Variants in MOV10 observed in about 807,000 individuals in gnomAD.
The protein encoded by MOV10 is RNA helicase MOV-10.
In MOV10, 39 loss-of-function variants were observed where a neutral mutation model predicts 108.4. That is an observed-to-expected ratio of 0.36 (90% CI 0.28 to 0.47). The LOEUF (loss-of-function observed/expected upper bound fraction) is 0.47. Among genes scored for constraint, MOV10 ranks in the 20% least tolerant of loss-of-function variants. The pLI is 1.00. For synonymous variants in MOV10, 490 were observed against 523.1 expected, an observed-to-expected ratio of 0.94 and a Z score of 0.86; for missense variants, 952 against 1,297.6, an observed-to-expected ratio of 0.73 and a Z score of 4.09.
chr1:112,674,781 G>T, intron 1 of MOV10, 52 bp downstream of exon 1: 1 of 859,210 alleles, frequency 1.2e-6, no homozygotes, highest in South Asian at 1.9e-5. Flanking sequence ...GAGCCCGCAG[G>T]ATCAGGGGTC....
At chr1:112,680,703 A>T (rs997739853) in intron 2 of MOV10, among the ~76,000 whole-genome samples, 26 of 118,598 alleles carry the variant, frequency 2.2e-4, no homozygotes, top group South Asian at 8.3e-4. Context: ...CTTTTCATTT[A>T]TCTCTTTTTT....
chr1:112,677,459 G>A (rs1316141951), intron 2 of MOV10, among the ~76,000 whole-genome samples: 1 of 151,544 alleles, frequency 6.6e-6, no homozygotes, highest in African/African-American at 2.4e-5. Context: ...TTTCCCAGTA[G>A]GAATTACTTG....
In MOV10 at chr1:112,681,366, C is replaced by T. The variant is rs528360567; in HGVS notation, c.137+6317C>T. Among the ~76,000 whole-genome samples, 148 of 152,024 alleles carry T rather than the reference C, an allele frequency of 9.7e-4. 2 individuals are homozygous for T. Among genetic ancestry groups the T allele is most frequent in the Non-Finnish European group, 1.3e-3 (90 of 68,002 alleles). On this transcript the variant is annotated intron_variant, in intron 2 of 20. Transcript: ENST00000369645. ...AAAATTAGCTGGGCGTGGTGGCGGGCGCCTGTAATCCCAGCTACTCGGGAG... is the reference window on the plus strand; with the variant it reads ...AAAATTAGCTGGGCGTGGTGGCGGGTGCCTGTAATCCCAGCTACTCGGGAG...
intron 2 of MOV10, among the ~76,000 whole-genome samples, chr1:112,683,109 G>A (rs1402451668): frequency 1.3e-5 from 2 of 151,082 alleles, no homozygotes; most frequent in African/African-American, 2.4e-5. Context: ...TTGTAGAGAC[G>A]GGGTTTCACT....
intron 2 of MOV10, among the ~76,000 whole-genome samples, chr1:112,684,772 A>G (rs1322713918): frequency 6.6e-6 from 1 of 152,094 alleles, no homozygotes; most frequent in Non-Finnish European, 1.5e-5. Flanking sequence ...TTATACTTTA[A>G]TTTGCATTTC....
rs1672093476 is a variant in MOV10 at position 112,675,243 on chromosome 1, C to T, written c.137+194C>T. ...CCCACCAGCGCCGCCCGGAGCCCGCCAGTTCTGCCCGAGCTGGGCCCCTGC... is the reference window on the plus strand; with the variant it reads ...CCCACCAGCGCCGCCCGGAGCCCGCTAGTTCTGCCCGAGCTGGGCCCCTGC... On this transcript the variant is annotated intron_variant, in intron 2 of 20. Transcript: ENST00000369645. The surrounding 1 kb of genome is among the most constrained non-coding windows in gnomAD (Gnocchi z 4.7). Among the ~76,000 whole-genome samples the T allele has an allele frequency of 1.3e-5, 2 of 151,970 alleles. No individual in the cohort carries two copies. The highest frequency in any genetic ancestry group is 2.9e-5 in the Non-Finnish European group (2 of 67,966).
intron 2 of MOV10, chr1:112,687,190 AT>A: frequency 2.9e-6 from 1 of 339,158 alleles, no homozygotes; most frequent in South Asian, 2.2e-5. Context: ...AGTAGCTAAC[AT>A]TTACTGAGCA....
chr1:112,682,921 CTT>C (rs36031191), intron 2 of MOV10, among the ~76,000 whole-genome samples: 5 of 137,292 alleles, frequency 3.6e-5, no homozygotes, highest in Non-Finnish European at 3.1e-5. Flanking sequence ...CTAGGAACAT[CTT>C]TTTTTTTTTT....
chr1:112,689,287 G>A (rs906161132), intron 3 of MOV10, 128 bp from the exon 4 acceptor site: 25 of 1,208,990 alleles, frequency 2.1e-5, no homozygotes, highest in African/African-American at 7.5e-5. Context: ...CTGGTCTGCT[G>A]GGAGGGGGTG....
In MOV10 at chr1:112,700,498, T is replaced by A; in HGVS notation, c.3003T>A (p.Asn1001Lys). Residue 1001 changes from asparagine to lysine, a missense_variant, in exon 21 of 21, where the codon AAT becomes AAA. Physicochemically the swap from Asn to Lys is moderately conservative, Grantham distance 94 (BLOSUM62 0). Transcript: ENST00000369645. The part of the protein sequence containing the change: ...LSLQVEPEWR[N>K]EL ...TGCAAGTGGAGCCAGAGTGGAGGAATGAGCTCTGAAGACACAGCACCCAGC... is the reference window on the plus strand; with the variant it reads ...TGCAAGTGGAGCCAGAGTGGAGGAAAGAGCTCTGAAGACACAGCACCCAGC... The A allele has an allele frequency of 6.2e-7, 1 of 1,613,548 alleles. No homozygotes were observed. Among genetic ancestry groups the A allele is most frequent in the Non-Finnish European group, 8.5e-7 (1 of 1,179,754 alleles).
At chr1:112,692,552 G>A (rs186638440) in intron 6 of MOV10, among the ~76,000 whole-genome samples, 1 of 152,306 alleles carries the variant, frequency 6.6e-6, no homozygotes, top group Admixed American at 6.5e-5. Flanking sequence ...GGGTGAGGTG[G>A]GGGCAGGGGC....
chr1:112,690,101 A>G lies in MOV10; in HGVS notation c.836+3A>G. 6.2e-7 allele frequency: 1 copy of G among 1,612,366 alleles called. No homozygotes were observed. The highest frequency in any genetic ancestry group is 8.5e-7 in the Non-Finnish European group (1 of 1,179,014). On this transcript the variant is annotated splice_donor_region_variant and intron_variant, in intron 5 of 20. Coordinates refer to ENST00000369645, the MANE Select transcript of MOV10 (RefSeq NM_001321324.2). ...GAGGAAGGAGAGAGACCTGACCGGT[A>G]ACTCCTCCCTCCAACTCAGCCCTGG...
chr1:112,675,520 C>T lies in MOV10; in HGVS notation c.137+471C>T, dbSNP rs1027576589. Among the ~76,000 whole-genome samples the T allele has an allele frequency of 6.6e-6, 1 of 152,200 alleles. No individual in the cohort carries two copies. The highest frequency in any genetic ancestry group is 2.4e-5 in the African/African-American group (1 of 41,450). On this transcript the variant is annotated intron_variant, in intron 2 of 20. Transcript: ENST00000369645. This position sits in a 1 kb window ranked among gnomAD's most constrained non-coding sequence, Gnocchi z 4.7. Reference sequence around the variant, plus strand: ...CCACCTTGTTGAGGCGCTGCTGCCTCGGGGGTCCGCTATCTGGGAGAACTG... The same window carrying T: ...CCACCTTGTTGAGGCGCTGCTGCCTTGGGGGTCCGCTATCTGGGAGAACTG...
chr1:112,692,716 A>G (rs1673692084), intron 6 of MOV10, 45 bp from the exon 7 acceptor site: 1 of 1,607,838 alleles, frequency 6.2e-7, no homozygotes, highest in African/African-American at 1.3e-5. Flanking sequence ...TGTCTGGCCC[A>G]TCCTGTTCCT....
Position 112,694,698 on chromosome 1 carries a change from C to T in MOV10, c.1473-51C>T. ...GGCACAGGGGGTGGAGTCAGGGAGG[C>T]CTCTGGGTCACTGGATGACTTCAAG... On this transcript the variant is annotated intron_variant, in intron 9 of 20. Transcript: ENST00000369645. This position sits in a 1 kb window ranked among gnomAD's most constrained non-coding sequence, Gnocchi z 4.1. 2 of 1,600,706 alleles carry T rather than the reference C, an allele frequency of 1.2e-6. No homozygotes were observed. Among genetic ancestry groups the T allele is most frequent in the African/African-American group, 2.7e-5 (2 of 74,846 alleles).
rs1050373454 is a variant in MOV10 at position 112,689,728 on chromosome 1, G to C, written c.577+78G>C. 16 of 1,584,596 alleles carry C rather than the reference G, an allele frequency of 1.0e-5. No individual in the cohort carries two copies. The African/African-American group carries it at 2.0e-4, about 20-fold the overall frequency. On this transcript the variant is annotated intron_variant, in intron 4 of 20. Transcript: ENST00000369645. Reference sequence around the variant, plus strand: ...GTGCTTATGCTTTGGGAAACACACTGTCACTGTCCATGGGACTCTTGCCTT... The same window carrying C: ...GTGCTTATGCTTTGGGAAACACACTCTCACTGTCCATGGGACTCTTGCCTT...
chr1:112,691,922 G>T lies in MOV10; in HGVS notation c.971+123G>T, dbSNP rs1437804006. On this transcript the variant is annotated intron_variant, in intron 6 of 20. Transcript: ENST00000369645. ...ATTCATTCATTCCCTTACTGAGCAC[G>T]CACCATACACCAAGCACCATTCAAG... 3 of 1,059,860 alleles carry T rather than the reference G, an allele frequency of 2.8e-6. No homozygotes were observed. In the South Asian group the frequency reaches 4.6e-5, roughly 16 times the overall value. 65.7% of individuals were successfully genotyped at this position (1,059,860 alleles called of 1,614,324 possible).
Position 112,694,249 on chromosome 1 carries a change from C to A in MOV10, c.1295+77C>A. On this transcript the variant is annotated intron_variant, in intron 8 of 20. Transcript: ENST00000369645. The surrounding 1 kb of genome is among the most constrained non-coding windows in gnomAD (Gnocchi z 4.1). ...CCCAGGGGAGGAGGAGTGTTTCTCC[C>A]TGAGATAAATGAGACCCCGGGGCAG... is the stretch of plus-strand genomic sequence containing the variant. 1 of 1,578,122 alleles carries A rather than the reference C, an allele frequency of 6.3e-7. No individual in the cohort carries two copies. The highest frequency in any genetic ancestry group is 1.1e-5 in the South Asian group (1 of 89,354).
At position 112,700,474 on chromosome 1, in the gene MOV10, G is replaced by C. The variant is rs116614538; in HGVS notation, c.2979G>C (p.Leu993=). 1.2e-6 allele frequency: 2 copies of C among 1,613,860 alleles called. No individual in the cohort carries two copies. The highest frequency in any genetic ancestry group is 1.7e-5 in the Admixed American group (1 of 59,966). The part of the protein sequence containing the change: ...QEREGEGGLS[L]QVEPEWRNEL ...GGGAGGGTGAAGGGGGCCTGTCTCT[G>C]CAAGTGGAGCCAGAGTGGAGGAATG... Residue 993 remains leucine (L), a synonymous_variant, in exon 21 of 21, where the codon CTG becomes CTC. Transcript: ENST00000369645.
Sources: allele counts gnomAD v4.1 joint callset (sites outside exome capture counted in the v4.1 genomes callset), GRCh38; gene constraint gnomAD v4.1.1; non-coding constraint Gnocchi (gnomAD v3.1); transcripts MANE v1.5; gene names NCBI Gene and HGNC (gene_info 2026-07-23, HGNC 2026-07-21).